FAM168A: variants seen among roughly 807,000 people sequenced by gnomAD.
The protein encoded by FAM168A is family with sequence similarity 168 member A.
A neutral mutation model predicts 28.5 loss-of-function variants in FAM168A; 3 were observed. The ratio of observed to expected loss-of-function variants is 0.11; its 90% CI spans 0.05 to 0.27. The LOEUF is 0.27. Among genes scored for constraint, FAM168A ranks in the 10% least tolerant of loss-of-function variants. The probability of loss-of-function intolerance (pLI) is 1.00; values close to 1 mark genes in which losing one functional copy is unlikely to be tolerated. For synonymous variants in FAM168A, 122 were observed against 124.2 expected (o/e 0.98, Z 0.12); for missense variants, 222 against 311.5 (o/e 0.71, Z 2.16).
chr11:73,578,684 C>A (rs1054410731), intron 1 of FAM168A, among the ~76,000 whole-genome samples: 1 of 152,184 alleles, frequency 6.6e-6, no homozygotes, highest in Non-Finnish European at 1.5e-5. Context: ...CAAATTACTT[C>A]CAAGCACTCT....
At chr11:73,505,332 T>C (rs1456879426) in intron 1 of FAM168A, among the ~76,000 whole-genome samples, 2 of 151,582 alleles carry the variant, frequency 1.3e-5, no homozygotes, top group Non-Finnish European at 2.9e-5. Context: ...TCTTTGAAAA[T>C]CACTAAACTT....
intron 1 of FAM168A, among the ~76,000 whole-genome samples, chr11:73,508,206 T>C (rs1345598979): frequency 3.3e-5 from 5 of 152,158 alleles, no homozygotes; most frequent in African/African-American, 1.2e-4. Context: ...CTCTAGATTG[T>C]TTATTAAAAT....
intron 1 of FAM168A, among the ~76,000 whole-genome samples, chr11:73,532,932 T>C (rs917243170): frequency 6.6e-6 from 1 of 152,178 alleles, no homozygotes. Context: ...AGAGGAAAAA[T>C]GCTACCTGTC....
intron 1 of FAM168A, among the ~76,000 whole-genome samples, chr11:73,487,008 A>C (rs1400685317): frequency 6.6e-6 from 1 of 152,226 alleles, no homozygotes; most frequent in Non-Finnish European, 1.5e-5. Context: ...ATTATTTTTT[A>C]ACCAGCAAGA....
At chr11:73,501,829 C>T (rs528082418) in intron 1 of FAM168A, among the ~76,000 whole-genome samples, 37 of 152,158 alleles carry the variant, frequency 2.4e-4, no homozygotes, top group African/African-American at 3.9e-4. Context: ...AGGCCGGGCG[C>T]GGTGGCTCAA....
In FAM168A at chr11:73,422,248, G is replaced by A. The variant is rs1201200030; in HGVS notation, c.152-2249C>T. Among the ~76,000 whole-genome samples the A allele has an allele frequency of 2.6e-5, 4 of 152,056 alleles. No individual in the cohort carries two copies. The East Asian group carries it at 7.7e-4, about 29-fold the overall frequency. ...AAGAAGCAAGTGCGACTGTGCCTTT[G>A]GTTACTATGTCTTTTCCAACTGATG... On this transcript the variant is annotated intron_variant, in intron 3 of 7. Transcript: ENST00000356467.
chr11:73,463,415 A>C (rs1867683620), intron 2 of FAM168A, among the ~76,000 whole-genome samples: 1 of 152,216 alleles, frequency 6.6e-6, no homozygotes. Flanking sequence ...AAAATGATAA[A>C]AAATGGGTTA....
At chr11:73,556,717 A>C (rs909492066) in intron 1 of FAM168A, among the ~76,000 whole-genome samples, 68 of 152,142 alleles carry the variant, frequency 4.5e-4, no homozygotes, top group Non-Finnish European at 8.8e-5. Flanking sequence ...TATGTATTTT[A>C]CTGCAATAAA....
At chr11:73,518,381 A>T (rs1424138156) in intron 1 of FAM168A, among the ~76,000 whole-genome samples, 1 of 148,314 alleles carries the variant, frequency 6.7e-6, no homozygotes, top group Admixed American at 6.6e-5. Flanking sequence ...TTAAAATATT[A>T]AAAAACATTA....
At chr11:73,462,450 G>A (rs1027999158) in intron 2 of FAM168A, among the ~76,000 whole-genome samples, 1 of 152,186 alleles carries the variant, frequency 6.6e-6, no homozygotes, top group African/African-American at 2.4e-5. Flanking sequence ...GGGGGAGGGT[G>A]AAATGAAGAG....
At chr11:73,477,916 G>C (rs1867910597) in intron 1 of FAM168A, among the ~76,000 whole-genome samples, 1 of 137,872 alleles carries the variant, frequency 7.3e-6, no homozygotes, top group Non-Finnish European at 1.6e-5. Flanking sequence ...CAGGAAAGCT[G>C]ATATGTAGAT....
intron 2 of FAM168A, among the ~76,000 whole-genome samples, chr11:73,466,104 T>C (rs1305693879): frequency 6.6e-6 from 1 of 152,148 alleles, no homozygotes; most frequent in Non-Finnish European, 1.5e-5. Context: ...TGTTTCCAAC[T>C]CCTCTGTTCC....
chr11:73,507,939 C>T (rs965615463), intron 1 of FAM168A, among the ~76,000 whole-genome samples: 7 of 151,762 alleles, frequency 4.6e-5, no homozygotes, highest in Admixed American at 6.6e-5. Flanking sequence ...CTGGGTATAC[C>T]GAGGGACAAC....
At chr11:73,591,421 G>A (rs1417784119) in intron 1 of FAM168A, among the ~76,000 whole-genome samples, 5 of 152,142 alleles carry the variant, frequency 3.3e-5, no homozygotes, top group African/African-American at 1.2e-4. Flanking sequence ...CCAGCATACT[G>A]CCTGCCATAG....
At chr11:73,520,843 A>G (rs541071531) in intron 1 of FAM168A, among the ~76,000 whole-genome samples, 1 of 152,036 alleles carries the variant, frequency 6.6e-6, no homozygotes, top group South Asian at 2.1e-4. Flanking sequence ...AGATGTGGTT[A>G]TATATTATTT....
At chr11:73,490,454 CA>C (rs2134607303) in intron 1 of FAM168A, among the ~76,000 whole-genome samples, 1 of 152,276 alleles carries the variant, frequency 6.6e-6, no homozygotes, top group African/African-American at 2.4e-5. Context: ...TCTAGAAAAC[CA>C]AACAAGAAAT....
chr11:73,464,790 AGTC>A (rs1867707720), intron 2 of FAM168A, among the ~76,000 whole-genome samples: 1 of 152,024 alleles, frequency 6.6e-6, no homozygotes, highest in African/African-American at 2.4e-5. Context: ...CTTCATCACA[AGTC>A]AGTGGCTAGC....
Position 73,406,326 on chromosome 11 carries a change from TA to T in FAM168A, c.*436del, listed in dbSNP as rs1249941996. On this transcript the variant is annotated 3_prime_UTR_variant, in exon 8 of 8. Transcript: ENST00000356467. ...CAACCAGAACACTCCCCTAGAGATG[TA>T]GCCTGCTCAACAGCTCTGAGTTCCT... is the stretch of plus-strand genomic sequence containing the variant. 1 of 152,220 alleles carries T rather than the reference TA, an allele frequency of 6.6e-6. No individual in the cohort carries two copies. The highest frequency in any genetic ancestry group is 2.4e-5 in the African/African-American group (1 of 41,444). The allele number at this position is 152,220 out of a possible 1,614,324, so 9.4% of individuals were successfully genotyped here.
chr11:73,400,516 G>C lies in FAM168A; in HGVS notation c.*6247C>G, dbSNP rs1590744552. 6.6e-6 allele frequency: 1 copy of C among 152,194 alleles called. No homozygotes were observed. The highest frequency in any genetic ancestry group is 1.5e-5 in the Non-Finnish European group (1 of 68,058). 9.4% of individuals were successfully genotyped at this position (152,194 alleles called of 1,614,324 possible). A position where few individuals can be genotyped will look rare whatever the true frequency, so the allele number is the denominator to read the frequency against. On this transcript the variant is annotated 3_prime_UTR_variant, in exon 8 of 8. Coordinates refer to ENST00000356467, the MANE Select transcript of FAM168A (RefSeq NM_015159.3). ...CAATAGATGTCAGCTTTATTGCGCG[G>C]ATGGCTCAATGGATTTCAACTCTGA...
Sources: gnomAD v4.1 joint callset for allele counts (sites outside exome capture counted in the v4.1 genomes callset) on GRCh38, gnomAD v4.1.1 for gene constraint, MANE v1.5 for transcripts, NCBI Gene and HGNC (gene_info 2026-07-23, HGNC 2026-07-21) for gene names.